The following CACNA1E variants were observed in gnomAD, a reference collection of about 807,000 sequenced individuals.
CACNA1E encodes voltage-dependent R-type calcium channel subunit alpha-1E.
A neutral mutation model predicts 259.2 loss-of-function variants in CACNA1E; 40 were observed. The ratio of observed to expected loss-of-function variants is 0.15; its 90% CI spans 0.12 to 0.20. The LOEUF (loss-of-function observed/expected upper bound fraction) is 0.20, where lower values mean the gene tolerates loss of function less well. CACNA1E is among the 10% of genes least tolerant of loss of function. The pLI is 1.00. For missense variants in CACNA1E, 1,874 were observed against 3,040.1 expected (o/e 0.62, Z 9.02); for synonymous variants, 1,104 against 1,138.5 (o/e 0.97, Z 0.61).
intron 6 of CACNA1E, among the ~76,000 whole-genome samples, chr1:181,599,634 C>T (rs10797733): frequency 0.84 from 128,047 of 152,236 alleles, 55,248 homozygotes; most frequent in East Asian, 0.98. Flanking sequence ...GGGATGTCTA[C>T]TATTTCATGA....
chr1:181,412,001 T>C (rs1394662742), intron 1 of CACNA1E, among the ~76,000 whole-genome samples: 38 of 152,278 alleles, frequency 2.5e-4, no homozygotes, highest in Admixed American at 2.5e-3. Flanking sequence ...TCTTCCTGCC[T>C]CTTCCATGAG....
chr1:181,573,495 TTCC>T (rs1025757098), intron 3 of CACNA1E, among the ~76,000 whole-genome samples: 1 of 152,216 alleles, frequency 6.6e-6, no homozygotes, highest in African/African-American at 2.4e-5. Context: ...TTTCCATTCT[TTCC>T]TCTGTCTCTC....
chr1:181,645,056 C>G (rs200489228), intron 6 of CACNA1E, among the ~76,000 whole-genome samples: 2 of 152,178 alleles, frequency 1.3e-5, no homozygotes, highest in South Asian at 4.1e-4. Flanking sequence ...GAGCCTGCCA[C>G]GTCCTTACTG....
intron 35 of CACNA1E, among the ~76,000 whole-genome samples, chr1:181,770,356 G>C (rs1260887535): frequency 1.3e-5 from 2 of 152,128 alleles, no homozygotes; most frequent in Non-Finnish European, 2.9e-5. Flanking sequence ...AGAGTGGAGG[G>C]GTTGACCTTG....
chr1:181,458,676 A>G (rs1661610150), intron 2 of CACNA1E, among the ~76,000 whole-genome samples: 1 of 152,134 alleles, frequency 6.6e-6, no homozygotes. Flanking sequence ...GAATATAGAA[A>G]CTTTTGTATG....
Position 181,391,175 on chromosome 1 carries a change from GA to G in CACNA1E, c.-14-21953del, listed in dbSNP as rs1372733775. 5.9e-5 allele frequency among the ~76,000 whole-genome samples: 9 copies of G among 152,126 alleles called. No homozygotes were observed. The East Asian group carries it at 1.3e-3, about 23-fold the overall frequency. On this transcript the variant is annotated intron_variant, in intron 1 of 11. Coordinates refer to the CACNA1E transcript ENST00000524607. ...CACATCACCTGTGGCTGAGACTACT[GA>G]AAAAGCCTCACCTAAGGGTGGTTTA...
At position 181,733,048 on chromosome 1, in the gene CACNA1E, A is replaced by G. The variant is rs768183604; in HGVS notation, c.2948+14A>G. ...GGATTTAAGGAGGTGAGTGAGTCAC[A>G]GGGCTCCCAGATGGATGGCACACAG... On this transcript the variant is annotated intron_variant, in intron 20 of 47. Coordinates refer to ENST00000367573, the MANE Select transcript of CACNA1E (RefSeq NM_001205293.3). 2.5e-6 allele frequency: 4 copies of G among 1,571,428 alleles called. No homozygotes were observed. Among genetic ancestry groups the G allele is most frequent in the Non-Finnish European group, 2.6e-6 (3 of 1,159,618 alleles).
At chr1:181,491,692 A>G (rs922267272) in intron 1 of CACNA1E, among the ~76,000 whole-genome samples, 4 of 152,190 alleles carry the variant, frequency 2.6e-5, no homozygotes, top group Admixed American at 2.0e-4. Context: ...GGGACATATT[A>G]AGCAAAATAT....
intron 7 of CACNA1E, among the ~76,000 whole-genome samples, chr1:181,687,967 T>C (rs931761077): frequency 7.9e-5 from 12 of 152,186 alleles, no homozygotes; most frequent in Admixed American, 2.6e-4. Context: ...CCATGAAGCA[T>C]TGTGTTTTCG....
At chr1:181,725,969 A>G (rs1367721828) in intron 17 of CACNA1E, 96 bp from the exon 18 acceptor site, 7 of 744,034 alleles carry the variant, frequency 9.4e-6, no homozygotes, top group Non-Finnish European at 1.6e-5. Flanking sequence ...TCCTCACTTC[A>G]CTTGGTATTC....
rs573893625 is a variant in CACNA1E, at chr1:181,580,494, C to T, written c.770-101C>T. On this transcript the variant is annotated intron_variant, in intron 5 of 47. Transcript: ENST00000367573. ...AGACAAAAAAGGGCAGGCCTCTTTCCGTGGGGGAATGGAATTGCTTGCCTA... is the reference window on the plus strand; with the variant it reads ...AGACAAAAAAGGGCAGGCCTCTTTCTGTGGGGGAATGGAATTGCTTGCCTA... The T allele has an allele frequency of 1.5e-4, 178 of 1,151,356 alleles. No homozygotes were observed. The African/African-American group carries it at 2.3e-3, about 15-fold the overall frequency. The allele number at this position is 1,151,356 out of a possible 1,614,324, so 71.3% of individuals were successfully genotyped here.
At chr1:181,362,406 C>T (rs1012678790) in intron 1 of CACNA1E, among the ~76,000 whole-genome samples, 4 of 152,210 alleles carry the variant, frequency 2.6e-5, no homozygotes, top group African/African-American at 9.7e-5. Context: ...GTTGCTGTTT[C>T]CCACGTGGAT....
intron 7 of CACNA1E, among the ~76,000 whole-genome samples, chr1:181,696,971 G>A (rs1272989252): frequency 1.3e-5 from 2 of 152,170 alleles, no homozygotes; most frequent in African/African-American, 4.8e-5. Flanking sequence ...TAATAAGAAT[G>A]TGAATTTAAT....
rs116578187 is a variant in CACNA1E at position 181,410,621 on chromosome 1, C to T, written c.-14-2512C>T. On this transcript the variant is annotated intron_variant, in intron 1 of 11. Coordinates refer to the CACNA1E transcript ENST00000524607. ...GTTTCTATTTATTATCTTAGCATAA[C>T]GAGGAGGGGGGCTGGGAGAGGCATT... Among the ~76,000 whole-genome samples the T allele has an allele frequency of 4.0e-3, 607 of 152,174 alleles. 5 individuals carry two copies. The highest frequency in any genetic ancestry group is 0.014 in the African/African-American group (566 of 41,512).
intron 21 of CACNA1E, 39 bp from the exon 22 acceptor site, chr1:181,736,236 C>T (rs1217706326): frequency 6.5e-7 from 1 of 1,548,900 alleles, no homozygotes; most frequent in Non-Finnish European, 8.7e-7. Flanking sequence ...TTTCACATGC[C>T]TCATGATTTC....
chr1:181,589,461 A>G (rs549254973), intron 6 of CACNA1E, among the ~76,000 whole-genome samples: 119 of 152,262 alleles, frequency 7.8e-4, no homozygotes, highest in African/African-American at 2.8e-3. Flanking sequence ...GGGTACATAC[A>G]TATACTTGTA....
intron 6 of CACNA1E, among the ~76,000 whole-genome samples, chr1:181,611,740 C>G (rs1654773182): frequency 6.6e-6 from 1 of 152,174 alleles, no homozygotes; most frequent in Non-Finnish European, 1.5e-5. Flanking sequence ...GTTATGTTTA[C>G]TGCCATAGTT....
chr1:181,609,756 T>G (rs1654570917), intron 6 of CACNA1E, among the ~76,000 whole-genome samples: 1 of 152,200 alleles, frequency 6.6e-6, no homozygotes, highest in Non-Finnish European at 1.5e-5. Flanking sequence ...TAGAACTCTA[T>G]TTTCTATGAT....
At chr1:181,440,828 TA>T (rs1201028038) in intron 2 of CACNA1E, among the ~76,000 whole-genome samples, 1 of 151,304 alleles carries the variant, frequency 6.6e-6, no homozygotes, top group African/African-American at 2.4e-5. Flanking sequence ...ACAAAAAATT[TA>T]AAAAAATTAG....
Sources: gnomAD v4.1 joint callset for allele counts (sites outside exome capture counted in the v4.1 genomes callset) on GRCh38, gnomAD v4.1.1 for gene constraint, MANE v1.5 for transcripts, NCBI Gene and HGNC (gene_info 2026-07-23, HGNC 2026-07-21) for gene names.